CADPS: variants seen among roughly 807,000 people sequenced by gnomAD.
CADPS encodes calcium-dependent secretion activator 1.
CADPS carries 57 observed loss-of-function variants against 167.3 expected under a neutral mutation model. That is an observed-to-expected ratio of 0.34 (90% CI 0.28 to 0.42). The LOEUF is 0.42. Among genes scored for constraint, CADPS ranks in the 20% least tolerant of loss-of-function variants. CADPS has a pLI of 1.00. For synonymous variants in CADPS, 676 were observed against 635.3 expected, an observed-to-expected ratio of 1.06 and a Z score of -0.96; for missense variants, 1,414 against 1,738.1, an observed-to-expected ratio of 0.81 and a Z score of 3.32.
At chr3:62,690,969 A>G (rs1199942431) in intron 3 of CADPS, among the ~76,000 whole-genome samples, 1 of 152,076 alleles carries the variant, frequency 6.6e-6, no homozygotes, top group East Asian at 1.9e-4. Context: ...TGGTACATTT[A>G]GACAATAGAA....
intron 8 of CADPS, among the ~76,000 whole-genome samples, chr3:62,577,116 T>C (rs1512019): frequency 0.74 from 112,999 of 151,896 alleles, 44,605 homozygotes; most frequent in South Asian, 0.86. Flanking sequence ...AATTGCTGAA[T>C]CCTGGAAGAC....
intron 3 of CADPS, among the ~76,000 whole-genome samples, chr3:62,748,344 CAAAAAAAAAAAAA>C (rs60942307): frequency 8.2e-5 from 4 of 48,494 alleles, no homozygotes; most frequent in Non-Finnish European, 1.4e-4. Context: ...GACTCCGTCT[CAAAAAAAAAAAAA>C]AAAAAAAAAA....
chr3:62,534,830 A>C (rs980162242), intron 12 of CADPS, among the ~76,000 whole-genome samples: 6 of 152,194 alleles, frequency 3.9e-5, no homozygotes, highest in African/African-American at 1.4e-4. Flanking sequence ...ACACAGGTAT[A>C]CAAATGGGGA....
chr3:62,550,765 C>T lies in CADPS; in HGVS notation c.1754-650G>A, dbSNP rs147421604. The T allele has an allele frequency of 1.5e-3, 703 of 456,300 alleles. 4 individuals are homozygous for T. Among genetic ancestry groups the T allele is most frequent in the African/African-American group, 0.013 (669 of 50,180 alleles). The allele number at this position is 456,300 out of a possible 1,614,324, so 28.3% of individuals were successfully genotyped here. On this transcript the variant is annotated intron_variant, in intron 10 of 29. Transcript: ENST00000383710. ...AAACTTGTCCAGGTTTCAGTGGACACATTGCTGAATAACCAGTGACCTCCA... is the reference window on the plus strand; with the variant it reads ...AAACTTGTCCAGGTTTCAGTGGACATATTGCTGAATAACCAGTGACCTCCA...
At chr3:62,652,127 C>T (rs1218834314) in intron 4 of CADPS, among the ~76,000 whole-genome samples, 1 of 152,110 alleles carries the variant, frequency 6.6e-6, no homozygotes, top group Non-Finnish European at 1.5e-5. Flanking sequence ...ATGTGGACTG[C>T]ACAACATCAC....
At chr3:62,821,254 C>T (rs1246814722) in intron 1 of CADPS, among the ~76,000 whole-genome samples, 1 of 152,160 alleles carries the variant, frequency 6.6e-6, no homozygotes, top group Non-Finnish European at 1.5e-5. Context: ...ACTCATAGTT[C>T]TGTAGGTCAA....
chr3:62,662,298 C>T lies in CADPS; in HGVS notation c.969+16G>A. ...TTTGGCCTGGACCCCAGCAAACAAC[C>T]ACAATGTTTCCTTACCCTGGCTATT... On this transcript the variant is annotated intron_variant, in intron 4 of 29. Transcript: ENST00000383710. 1 of 1,610,482 alleles carries T rather than the reference C, an allele frequency of 6.2e-7. No homozygotes were observed. The highest frequency in any genetic ancestry group is 2.2e-5 in the East Asian group (1 of 44,824).
intron 1 of CADPS, among the ~76,000 whole-genome samples, chr3:62,862,531 C>G (rs1346396945): frequency 1.3e-5 from 2 of 152,018 alleles, no homozygotes; most frequent in Non-Finnish European, 1.5e-5. Context: ...TTCAGGGATT[C>G]CTCTGAATGC....
chr3:62,757,534 G>T (rs776215761), intron 2 of CADPS, among the ~76,000 whole-genome samples: 2 of 152,186 alleles, frequency 1.3e-5, no homozygotes, highest in Non-Finnish European at 2.9e-5. Flanking sequence ...GCGAGACTAT[G>T]TCTGGATTGG....
chr3:62,676,028 A>G (rs1281814042), intron 3 of CADPS, among the ~76,000 whole-genome samples: 1 of 152,144 alleles, frequency 6.6e-6, no homozygotes, highest in Non-Finnish European at 1.5e-5. Flanking sequence ...CACTTTTACA[A>G]AAGGAACTTA....
chr3:62,753,860 C>T lies in CADPS; in HGVS notation c.556-87G>A. Reference sequence around the variant, plus strand: ...TGGGGCTGGACACTGGGCCAGTCCACCTCACGTGCATCCCAGGAGGAACCA... The same window carrying T: ...TGGGGCTGGACACTGGGCCAGTCCATCTCACGTGCATCCCAGGAGGAACCA... On this transcript the variant is annotated intron_variant, in intron 2 of 29. Transcript: ENST00000383710. The surrounding 1 kb of genome is among the most constrained non-coding windows in gnomAD (Gnocchi z 4.6). 7.8e-7 allele frequency: 1 copy of T among 1,280,022 alleles called. No individual in the cohort carries two copies. The highest frequency in any genetic ancestry group is 1.1e-6 in the Non-Finnish European group (1 of 928,812). 79.3% of individuals were successfully genotyped at this position (1,280,022 alleles called of 1,614,324 possible). A position where few individuals can be genotyped will look rare whatever the true frequency, so the allele number is the denominator to read the frequency against.
At chr3:62,644,358 G>A (rs1239668657) in intron 6 of CADPS, among the ~76,000 whole-genome samples, 1 of 152,082 alleles carries the variant, frequency 6.6e-6, no homozygotes, top group East Asian at 1.9e-4. Flanking sequence ...TGGGTAGGGA[G>A]GGAAGGGAGC....
At chr3:62,873,013 T>C (rs2082911937) in intron 1 of CADPS, among the ~76,000 whole-genome samples, 1 of 152,158 alleles carries the variant, frequency 6.6e-6, no homozygotes, top group Non-Finnish European at 1.5e-5. Context: ...TAAAATAATA[T>C]CCCAAAAACT....
chr3:62,785,544 AG>A (rs2092335318), intron 1 of CADPS, among the ~76,000 whole-genome samples: 1 of 152,208 alleles, frequency 6.6e-6, no homozygotes, highest in South Asian at 2.1e-4. Flanking sequence ...GTCATTCCCA[AG>A]ACTGAAAGAA....
chr3:62,517,905 G>T (rs2069396560), intron 14 of CADPS, among the ~76,000 whole-genome samples: 1 of 152,146 alleles, frequency 6.6e-6, no homozygotes, highest in African/African-American at 2.4e-5. Context: ...GTAATAGATT[G>T]TTGACCAGGG....
intron 6 of CADPS, among the ~76,000 whole-genome samples, chr3:62,638,647 G>A (rs371222578): frequency 1.6e-4 from 24 of 152,110 alleles, no homozygotes; most frequent in Middle Eastern, 3.4e-3. Flanking sequence ...GATTTTTCAC[G>A]TTTAGATGGA....
At chr3:62,427,530 A>C (rs945004289) in intron 28 of CADPS, among the ~76,000 whole-genome samples, 1 of 152,124 alleles carries the variant, frequency 6.6e-6, no homozygotes, top group African/African-American at 2.4e-5. Flanking sequence ...GCACTACAGG[A>C]GGTTCAGCAC....
At chr3:62,499,433 T>C in intron 17 of CADPS, 165 bp from the exon 18 acceptor site, 1 of 507,882 alleles carries the variant, frequency 2.0e-6, no homozygotes, top group Admixed American at 3.1e-5. Flanking sequence ...CATAAAGCCA[T>C]TTTATTATTA....
chr3:62,830,103 A>G (rs1019893453), intron 1 of CADPS, among the ~76,000 whole-genome samples: 1 of 152,106 alleles, frequency 6.6e-6, no homozygotes, highest in African/African-American at 2.4e-5. Flanking sequence ...GAAGACTCCT[A>G]TCACCTCATT....
Sources: gnomAD v4.1 joint callset for allele counts (sites outside exome capture counted in the v4.1 genomes callset) on GRCh38, gnomAD v4.1.1 for gene constraint, Gnocchi (gnomAD v3.1) non-coding constraint, MANE v1.5 for transcripts, NCBI Gene and HGNC (gene_info 2026-07-23, HGNC 2026-07-21) for gene names.